The following TANGO6 variants were observed in gnomAD, a reference collection of about 807,000 sequenced individuals.
TANGO6 encodes transport and Golgi organization protein 6 homolog.
Under a neutral mutation model 114.2 loss-of-function variants are expected in TANGO6, and 90 were observed. The ratio of observed to expected loss-of-function variants is 0.79; its 90% CI spans 0.66 to 0.94. The LOEUF is 0.94. TANGO6 is among the 40% of genes least tolerant of loss of function. The pLI is 0.00. For synonymous variants in TANGO6, 477 were observed against 509.8 expected (o/e 0.94, Z 0.87); for missense variants, 1,274 against 1,315.3 (o/e 0.97, Z 0.49).
At chr16:68,875,409 A>G in intron 5 of TANGO6, 119 bp downstream of exon 5, 1 of 1,204,142 alleles carries the variant, frequency 8.3e-7, no homozygotes, top group Non-Finnish European at 1.1e-6. Context: ...TTTATTGTTT[A>G]GTGAGGAGCC....
At chr16:68,853,742 T>C (rs1259111069) in intron 1 of TANGO6, among the ~76,000 whole-genome samples, 1 of 152,230 alleles carries the variant, frequency 6.6e-6, no homozygotes, top group Non-Finnish European at 1.5e-5. Flanking sequence ...TTTGATCATG[T>C]CATACTTCTG....
chr16:68,948,780 A>T (rs1431265861), intron 14 of TANGO6, among the ~76,000 whole-genome samples: 1 of 152,230 alleles, frequency 6.6e-6, no homozygotes, highest in Non-Finnish European at 1.5e-5. Context: ...ATGGACTGTG[A>T]GTACGTATTA....
At chr16:68,895,428 C>T (rs889746005) in intron 7 of TANGO6, among the ~76,000 whole-genome samples, 4 of 152,250 alleles carry the variant, frequency 2.6e-5, no homozygotes, top group Admixed American at 6.5e-5. Flanking sequence ...GTATTCACTG[C>T]CTATTCACCA....
intron 7 of TANGO6, among the ~76,000 whole-genome samples, chr16:68,882,651 A>C (rs1195165311): frequency 1.3e-5 from 2 of 152,226 alleles, no homozygotes; most frequent in African/African-American, 4.8e-5. Context: ...AAATTTACTA[A>C]AATTCACTGA....
At chr16:68,958,158 G>A (rs1340577755) in intron 14 of TANGO6, among the ~76,000 whole-genome samples, 1 of 147,554 alleles carries the variant, frequency 6.8e-6, no homozygotes. Flanking sequence ...GCAAGAAGAG[G>A]GAAACTCCAT....
intron 16 of TANGO6, chr16:69,025,771 CTT>C (rs75186260): frequency 3.6e-4 from 51 of 140,714 alleles, no homozygotes; most frequent in Middle Eastern, 3.6e-3. Context: ...TGCACCTGGC[CTT>C]TTTTTTTTTT....
intron 7 of TANGO6, among the ~76,000 whole-genome samples, chr16:68,895,832 G>A (rs1962696396): frequency 6.6e-6 from 1 of 152,036 alleles, no homozygotes; most frequent in Non-Finnish European, 1.5e-5. Context: ...TAAAAATTAT[G>A]TATTTTTATT....
At chr16:68,870,359 C>A (rs1336056920) in intron 4 of TANGO6, among the ~76,000 whole-genome samples, 1 of 152,178 alleles carries the variant, frequency 6.6e-6, no homozygotes, top group Non-Finnish European at 1.5e-5. Context: ...GTGTGGTTGG[C>A]AGACGTTGGT....
At chr16:68,915,192 A>G (rs987493716) in intron 11 of TANGO6, among the ~76,000 whole-genome samples, 10 of 149,650 alleles carry the variant, frequency 6.7e-5, no homozygotes, top group Non-Finnish European at 1.3e-4. Context: ...AAAAAAAAAA[A>G]GTGGAGAGGA....
intron 15 of TANGO6, among the ~76,000 whole-genome samples, chr16:68,986,534 A>G (rs1029646057): frequency 6.6e-6 from 1 of 151,992 alleles, no homozygotes; most frequent in Non-Finnish European, 1.5e-5. Context: ...AGTTCATCCA[A>G]GTGATGAGTA....
intron 1 of TANGO6, among the ~76,000 whole-genome samples, chr16:68,852,296 A>G (rs1961914330): frequency 6.6e-6 from 1 of 152,198 alleles, no homozygotes; most frequent in Non-Finnish European, 1.5e-5. Flanking sequence ...TTTACTCAAC[A>G]AACACCTGTT....
chr16:68,953,050 T>TTTTTTTTTATTA (rs1555525236), intron 14 of TANGO6, among the ~76,000 whole-genome samples: 11 of 139,214 alleles, frequency 7.9e-5, no homozygotes, highest in Non-Finnish European at 1.4e-4. Flanking sequence ...ACAGGTATTT[T>TTTTTTTTTATTA]TTATTATTAT....
At chr16:68,971,686 C>T (rs1049795591) in intron 14 of TANGO6, among the ~76,000 whole-genome samples, 2 of 152,024 alleles carry the variant, frequency 1.3e-5, no homozygotes, top group Non-Finnish European at 2.9e-5. Flanking sequence ...GGCTGGAGTG[C>T]AATGGTGTGA....
In TANGO6 at chr16:68,927,684, C is replaced by G. The variant is rs370068326; in HGVS notation, c.2244C>G (p.Ile748Met). Residue 748 changes from isoleucine (I) to methionine (M), a missense_variant, in exon 13 of 18, where the codon ATC (isoleucine) becomes ATG (methionine). This residue lies in a region of TANGO6 where 908 missense variants were observed against 910.2 expected (regional missense o/e 1.00). Coordinates refer to ENST00000261778, the MANE Select transcript of TANGO6 (RefSeq NM_024562.2). ...QELAVDLRIT[I>M]STHGAFATEA... ...TCGCTGTTGATCTCCGCATCACCAT[C>G]TCTACCCATGGAGCCTTTGCCACTG... is the stretch of plus-strand genomic sequence containing the variant. The G allele has an allele frequency of 3.1e-6, 5 of 1,613,896 alleles. No individual in the cohort carries two copies. The highest frequency in any genetic ancestry group is 1.3e-5 in the African/African-American group (1 of 74,932).
intron 14 of TANGO6, among the ~76,000 whole-genome samples, chr16:68,971,513 G>A (rs1369696787): frequency 1.3e-5 from 2 of 152,054 alleles, no homozygotes; most frequent in Admixed American, 1.3e-4. Flanking sequence ...GGCCTCAAGT[G>A]ATCCTCCCAC....
chr16:68,963,024 G>T (rs1312922905), intron 14 of TANGO6, among the ~76,000 whole-genome samples: 5 of 150,024 alleles, frequency 3.3e-5, no homozygotes, highest in African/African-American at 1.2e-4. Flanking sequence ...AACCCGGGAG[G>T]CAGAGCTTGC....
intron 3 of TANGO6, among the ~76,000 whole-genome samples, chr16:68,866,623 C>T (rs1349270128): frequency 2.9e-5 from 4 of 138,226 alleles, no homozygotes; most frequent in African/African-American, 1.1e-4. Context: ...GAGCAAGACT[C>T]CGTCTCAAAA....
intron 3 of TANGO6, among the ~76,000 whole-genome samples, chr16:68,864,991 A>G (rs1403423118): frequency 6.6e-6 from 1 of 152,090 alleles, no homozygotes; most frequent in Non-Finnish European, 1.5e-5. Context: ...ACTTAAGTGC[A>G]GTGGTGCCGG....
At chr16:68,909,508 G>A (rs778266232) in intron 11 of TANGO6, 106 bp downstream of exon 11, 4 of 1,091,476 alleles carry the variant, frequency 3.7e-6, no homozygotes, top group South Asian at 5.8e-5. Flanking sequence ...ATCATGAGGT[G>A]TTTCCTGGAA....
Sources: allele counts gnomAD v4.1 joint callset (sites outside exome capture counted in the v4.1 genomes callset), GRCh38; gene constraint gnomAD v4.1.1; regional missense constraint gnomAD v4.1.1; transcripts MANE v1.5; gene names NCBI Gene and HGNC (gene_info 2026-07-23, HGNC 2026-07-21).